Variants in GPR89A observed in about 807,000 individuals in gnomAD.
GPR89A encodes the protein golgi pH regulator A, also known as G protein-coupled receptor 89A.
A neutral mutation model predicts 52.0 loss-of-function variants in GPR89A; 16 were observed. That is an observed-to-expected ratio of 0.31 (90% CI 0.21 to 0.47). The LOEUF is 0.47. GPR89A is among the 20% of genes least tolerant of loss of function. The probability of loss-of-function intolerance (pLI) is 1.00; values close to 1 mark genes in which losing one functional copy is unlikely to be tolerated. For synonymous variants in GPR89A, 55 were observed against 150.9 expected (o/e 0.36, Z 4.66); for missense variants, 135 against 449.4 (o/e 0.30, Z 6.33).
chr1:145,609,569 A>G (rs1648105238), intron 1 of GPR89A, among the ~76,000 whole-genome samples: 2 of 152,234 alleles, frequency 1.3e-5, no homozygotes, highest in Admixed American at 6.5e-5. Context: ...TAGCCTTAGT[A>G]CCAATTTAAG....
At chr1:145,647,543 C>A (rs1156544112) in intron 10 of GPR89A, among the ~76,000 whole-genome samples, 1 of 151,636 alleles carries the variant, frequency 6.6e-6, no homozygotes, top group African/African-American at 2.4e-5. Context: ...GTGGCTCATG[C>A]CTATAATCCC....
At chr1:145,650,760 T>C (rs1306292440) in intron 10 of GPR89A, among the ~76,000 whole-genome samples, 1 of 151,752 alleles carries the variant, frequency 6.6e-6, no homozygotes, top group African/African-American at 2.4e-5. Context: ...GAGCTTTTTT[T>C]CATACGTTTG....
intron 1 of GPR89A, among the ~76,000 whole-genome samples, chr1:145,613,534 C>T (rs1314644817): frequency 6.6e-6 from 1 of 152,104 alleles, no homozygotes; most frequent in South Asian, 2.1e-4. Flanking sequence ...CCCTCATCAC[C>T]TACAGACTAT....
At chr1:145,661,345 T>G (rs1652188742) in intron 10 of GPR89A, among the ~76,000 whole-genome samples, 1 of 146,792 alleles carries the variant, frequency 6.8e-6, no homozygotes, top group Non-Finnish European at 1.5e-5. Context: ...TTAGGAGATA[T>G]ACCTAATGCT....
chr1:145,660,064 T>C (rs1471903509), intron 10 of GPR89A, among the ~76,000 whole-genome samples: 2 of 152,012 alleles, frequency 1.3e-5, no homozygotes, highest in African/African-American at 4.8e-5. Flanking sequence ...ATGATTTGTC[T>C]CTCTGTTTGT....
At chr1:145,617,564 C>T (rs1379488376) in intron 2 of GPR89A, among the ~76,000 whole-genome samples, 1 of 151,992 alleles carries the variant, frequency 6.6e-6, no homozygotes, top group Non-Finnish European at 1.5e-5. Context: ...GAAATCTTCA[C>T]AATTTATGTT....
Position 145,662,099 on chromosome 1 carries a change from T to C in GPR89A, c.910-1230T>C, listed in dbSNP as rs587689907. On this transcript the variant is annotated intron_variant, in intron 10 of 13. Transcript: ENST00000313835. ...TGTGAGTAGAATATGTATTGTGCTC[T>C]TGTTGGCAGGAGTGTTCCATAAATG... 2.1e-3 allele frequency among the ~76,000 whole-genome samples: 313 copies of C among 152,314 alleles called. 6 individuals carry two copies. Among genetic ancestry groups the C allele is most frequent in the Non-Finnish European group, 2.4e-3 (162 of 68,010 alleles).
At chr1:145,667,620 G>C (rs1221277089) in intron 12 of GPR89A, among the ~76,000 whole-genome samples, 3 of 151,902 alleles carry the variant, frequency 2.0e-5, no homozygotes, top group African/African-American at 7.3e-5. Context: ...CATTGCTTTC[G>C]GTGTTTTAGA....
intron 10 of GPR89A, among the ~76,000 whole-genome samples, chr1:145,660,381 C>T (rs1458089818): frequency 6.6e-6 from 1 of 152,172 alleles, no homozygotes; most frequent in Non-Finnish European, 1.5e-5. Context: ...CCATTCAGAA[C>T]ATAGGCATGG....
At chr1:145,661,797 G>T (rs1652222512) in intron 10 of GPR89A, among the ~76,000 whole-genome samples, 1 of 148,142 alleles carries the variant, frequency 6.8e-6, no homozygotes, top group Admixed American at 6.9e-5. Flanking sequence ...TACATTTCTT[G>T]CTATGTACTG....
At chr1:145,619,548 G>T in intron 3 of GPR89A, among the ~76,000 whole-genome samples, 1 of 152,156 alleles carries the variant, frequency 6.6e-6, no homozygotes, top group South Asian at 2.1e-4. Context: ...GGAGTTTGAG[G>T]ATATGCAGTG....
At chr1:145,650,847 T>C (rs1384822415) in intron 10 of GPR89A, among the ~76,000 whole-genome samples, 19 of 152,194 alleles carry the variant, frequency 1.2e-4, no homozygotes, top group African/African-American at 4.6e-4. Flanking sequence ...TTGTTTGATT[T>C]TTTTCTTGTA....
At chr1:145,668,944 T>A (rs1553696953) in intron 12 of GPR89A, among the ~76,000 whole-genome samples, 1 of 152,102 alleles carries the variant, frequency 6.6e-6, no homozygotes, top group Admixed American at 6.6e-5. Context: ...CAGATAAGCT[T>A]TTTGATGTGC....
intron 5 of GPR89A, among the ~76,000 whole-genome samples, chr1:145,626,796 A>T (rs1479768457): frequency 5.3e-5 from 8 of 151,846 alleles, no homozygotes; most frequent in Admixed American, 2.0e-4. Flanking sequence ...CTAAAAATAG[A>T]AAAATTAGCC....
chr1:145,611,344 C>T (rs1553686101), intron 1 of GPR89A: 1 of 151,732 alleles, frequency 6.6e-6, no homozygotes, highest in African/African-American at 2.4e-5. Context: ...CCCTTCTCCC[C>T]TCCCCTGCCC....
At chr1:145,636,608 G>A (rs1553690800) in intron 7 of GPR89A, among the ~76,000 whole-genome samples, 1 of 151,942 alleles carries the variant, frequency 6.6e-6, no homozygotes, top group Non-Finnish European at 1.5e-5. Flanking sequence ...AGAGATAGGA[G>A]GAAGAAATAT....
chr1:145,643,417 C>T (rs1238883278), intron 7 of GPR89A, among the ~76,000 whole-genome samples: 1 of 152,014 alleles, frequency 6.6e-6, no homozygotes, highest in African/African-American at 2.4e-5. Flanking sequence ...CCACCTGCCT[C>T]GGCCTCCCAA....
In GPR89A at chr1:145,647,875, CTCTCTATATATA is replaced by C. The variant is rs1651151114; in HGVS notation, c.909+610_909+621del. ...CCTCTCTCTCTCTCTCTCTCTCTCT[CTCTCTATATATA>C]TATATATATATATATATATATATAG... On this transcript the variant is annotated intron_variant, in intron 10 of 13. Transcript: ENST00000313835. Among the ~76,000 whole-genome samples the C allele has an allele frequency of 3.3e-3, 216 of 64,492 alleles. 2 individuals are homozygous for C. Among genetic ancestry groups the C allele is most frequent in the Middle Eastern group, 6.8e-3 (1 of 148 alleles). The allele number at this position is 64,492 out of a possible 152,430, so 42.3% of individuals were successfully genotyped here.
intron 7 of GPR89A, among the ~76,000 whole-genome samples, chr1:145,634,976 A>G (rs1168254430): frequency 3.9e-5 from 6 of 152,134 alleles, no homozygotes; most frequent in Non-Finnish European, 8.8e-5. Flanking sequence ...TCTTTATTAA[A>G]GTTATTATTA....
Sources: allele counts gnomAD v4.1 joint callset (sites outside exome capture counted in the v4.1 genomes callset), GRCh38; gene constraint gnomAD v4.1.1; transcripts MANE v1.5; gene names NCBI Gene and HGNC (gene_info 2026-07-23, HGNC 2026-07-21).